S100A8: variants seen among roughly 807,000 people sequenced by gnomAD.
S100A8 encodes S100 calcium binding protein A8.
S100A8 carries 1 observed loss-of-function variant against 4.2 expected under a neutral mutation model. The observed-to-expected ratio is 0.24, with a 90% CI of 0.08 to 1.12. The LOEUF (loss-of-function observed/expected upper bound fraction) is 1.12, where lower values mean the gene tolerates loss of function less well. Among genes scored for constraint, S100A8 ranks in the 50% most tolerant of loss-of-function variants. The probability of loss-of-function intolerance (pLI) is 0.53; values close to 1 mark genes in which losing one functional copy is unlikely to be tolerated. For missense variants in S100A8, 96 were observed against 111.8 expected, an observed-to-expected ratio of 0.86 and a Z score of 0.64; for synonymous variants, 41 against 44.7, an observed-to-expected ratio of 0.92 and a Z score of 0.33.
the S100A8 span, among the ~76,000 whole-genome samples, chr1:153,402,579 C>A: frequency 6.6e-6 from 1 of 152,076 alleles, no homozygotes; most frequent in Non-Finnish European, 1.5e-5. Context: ...GACAAGCCAA[C>A]GAGGACTTTG....
chr1:153,391,090 G>A (rs762180369), upstream of S100A8: 14 of 985,724 alleles, frequency 1.4e-5, no homozygotes, highest in Admixed American at 6.1e-5. Flanking sequence ...CTGAGAGGCA[G>A]CTCCTTTTTA....
chr1:153,417,712 C>T, the S100A8 span, among the ~76,000 whole-genome samples: 4 of 152,190 alleles, frequency 2.6e-5, no homozygotes, highest in Admixed American at 6.5e-5. Flanking sequence ...GGTGCTGTTT[C>T]AAGAGTGGGG....
At chr1:153,418,782 A>T in the S100A8 span, among the ~76,000 whole-genome samples, 1 of 152,192 alleles carries the variant, frequency 6.6e-6, no homozygotes, top group African/African-American at 2.4e-5. Context: ...AGAACAAAGC[A>T]TGAGGGCCAA....
the S100A8 span, among the ~76,000 whole-genome samples, chr1:153,405,271 C>T: frequency 1.3e-5 from 2 of 151,408 alleles, no homozygotes; most frequent in Non-Finnish European, 2.9e-5. Context: ...GAGAAAGCAA[C>T]CTCCCTTATC....
At chr1:153,398,115 G>A in the S100A8 span, among the ~76,000 whole-genome samples, 45 of 152,184 alleles carry the variant, frequency 3.0e-4, no homozygotes, top group Admixed American at 1.2e-3. Context: ...GGATGGAGTG[G>A]CCTTGAGTCA....
chr1:153,403,845 C>T, the S100A8 span, among the ~76,000 whole-genome samples: 3 of 152,106 alleles, frequency 2.0e-5, no homozygotes, highest in Non-Finnish European at 2.9e-5. Context: ...ATCGGGGTAT[C>T]GTGCAATTCC....
chr1:153,418,845 A>G, the S100A8 span, among the ~76,000 whole-genome samples: 3 of 152,118 alleles, frequency 2.0e-5, no homozygotes, highest in South Asian at 6.2e-4. Context: ...AATGCTGGGA[A>G]CAGGCAAGAT....
At chr1:153,391,415 GC>G (rs979698016), upstream of S100A8, among the ~76,000 whole-genome samples, 3 of 152,074 alleles carry the variant, frequency 2.0e-5, no homozygotes, top group African/African-American at 7.2e-5. Context: ...TGGTGGTCAG[GC>G]CATACATCCC....
chr1:153,420,114 C>G, the S100A8 span: 2 of 152,262 alleles, frequency 1.3e-5, no homozygotes, highest in South Asian at 2.1e-4. Flanking sequence ...AAGGCAGCAT[C>G]ACGGAAATTC....
At chr1:153,418,152 G>T in the S100A8 span, 1 of 1,614,084 alleles carries the variant, frequency 6.2e-7, no homozygotes, top group Non-Finnish European at 8.5e-7. Flanking sequence ...CACCGGACGT[G>T]ATGGCAAGAT....
At chr1:153,398,198 G>A in the S100A8 span, among the ~76,000 whole-genome samples, 1 of 152,152 alleles carries the variant, frequency 6.6e-6, no homozygotes, top group Non-Finnish European at 1.5e-5. Flanking sequence ...GCACCCCACA[G>A]ACACCCTTGC....
intron 2 of S100A8, 53 bp downstream of exon 2, chr1:153,390,342 G>T: frequency 6.2e-7 from 1 of 1,607,766 alleles, no homozygotes; most frequent in South Asian, 1.1e-5. Context: ...CGCTGGCCCA[G>T]GGCAGCCCCA....
At chr1:153,402,998 C>T in the S100A8 span, among the ~76,000 whole-genome samples, 21 of 152,194 alleles carry the variant, frequency 1.4e-4, no homozygotes, top group Non-Finnish European at 2.6e-4. Context: ...AAAAGTGGCA[C>T]TGCTGAGCAC....
chr1:153,397,179 C>T, the S100A8 span, among the ~76,000 whole-genome samples: 17 of 152,392 alleles, frequency 1.1e-4, no homozygotes, highest in African/African-American at 3.6e-4. Flanking sequence ...CAAGGCAGGG[C>T]AGTGCCTTCC....
At chr1:153,391,283 G>T, upstream of S100A8, 1 of 837,030 alleles carries the variant, frequency 1.2e-6, no homozygotes, top group Non-Finnish European at 1.4e-6. Context: ...GGGCAATAGT[G>T]CCCAGAAGGA....
chr1:153,395,463 G>A (rs1010141926), upstream of S100A8, among the ~76,000 whole-genome samples: 1 of 152,048 alleles, frequency 6.6e-6, no homozygotes, highest in South Asian at 2.1e-4. Flanking sequence ...CTCAGTCTGC[G>A]CCCAGGTCTG....
chr1:153,390,854 T>G, intron 1 of S100A8, 187 bp downstream of exon 1: 1 of 456,564 alleles, frequency 2.2e-6, no homozygotes, highest in East Asian at 6.0e-5. Context: ...AATGTGCCCT[T>G]ACCCACTGGA....
chr1:153,422,430 T>G, the S100A8 span: 1 of 820,478 alleles, frequency 1.2e-6, no homozygotes, highest in Non-Finnish European at 1.5e-6. Context: ...GAGCAAGAAT[T>G]TACTTGATTT....
At chr1:153,415,618 G>A in the S100A8 span, among the ~76,000 whole-genome samples, 539 of 151,402 alleles carry the variant, frequency 3.6e-3, 2 homozygotes, top group Non-Finnish European at 6.1e-3. Context: ...TTTTGCATAG[G>A]AGGAGGAAAA....
Sources: gnomAD v4.1 joint callset for allele counts (sites outside exome capture counted in the v4.1 genomes callset) on GRCh38, gnomAD v4.1.1 for gene constraint, MANE v1.5 for transcripts, NCBI Gene and HGNC (gene_info 2026-07-23, HGNC 2026-07-21) for gene names.